The following PRR14L variants were observed in gnomAD, a reference collection of about 807,000 sequenced individuals.
The protein encoded by PRR14L is protein PRR14L.
In PRR14L, 80 loss-of-function variants were observed where a neutral mutation model predicts 155.0. The observed-to-expected ratio is 0.52, with a 90% CI of 0.43 to 0.62. The LOEUF (loss-of-function observed/expected upper bound fraction) is 0.62. Among genes scored for constraint, PRR14L ranks in the 20% least tolerant of loss-of-function variants. The pLI is 0.00. For synonymous variants in PRR14L, 883 were observed against 916.0 expected (o/e 0.96, Z 0.65); for missense variants, 2,469 against 2,548.0 (o/e 0.97, Z 0.67).
intron 1 of PRR14L, among the ~76,000 whole-genome samples, chr22:31,740,049 A>G (rs1337639916): frequency 6.6e-6 from 1 of 152,042 alleles, no homozygotes; most frequent in Non-Finnish European, 1.5e-5. Context: ...GGTCAGCCAG[A>G]TAAGATACTT....
intron 2 of PRR14L, among the ~76,000 whole-genome samples, chr22:31,732,029 T>G (rs1484804944): frequency 6.6e-6 from 1 of 152,212 alleles, no homozygotes; most frequent in African/African-American, 2.4e-5. Context: ...AAGTGCCAGT[T>G]TCTCCTACCC....
At chr22:31,704,520 G>C (rs1254311729) in intron 5 of PRR14L, 135 bp downstream of exon 5, 3 of 511,948 alleles carry the variant, frequency 5.9e-6, no homozygotes, top group African/African-American at 3.9e-5. Flanking sequence ...GTTTATCTGA[G>C]AGACATAGAT....
At chr22:31,736,733 G>A (rs1473779263) in intron 2 of PRR14L, among the ~76,000 whole-genome samples, 1 of 152,052 alleles carries the variant, frequency 6.6e-6, no homozygotes. Context: ...GCAAAGCTGA[G>A]TTGTTCCAAA....
At chr22:31,739,164 C>T (rs999680500) in intron 1 of PRR14L, among the ~76,000 whole-genome samples, 7 of 152,120 alleles carry the variant, frequency 4.6e-5, no homozygotes, top group Non-Finnish European at 5.9e-5. Context: ...TCAATTTAAA[C>T]GTGAAGGGCC....
rs76015424 is a variant in PRR14L, at chr22:31,699,870, GT to G, written c.6107+1785del. 9.3e-3 allele frequency among the ~76,000 whole-genome samples: 1,319 copies of G among 142,504 alleles called. 8 individuals carry two copies. The highest frequency in any genetic ancestry group is 0.018 in the Middle Eastern group (5 of 278). 93.5% of individuals were successfully genotyped at this position (142,504 alleles called of 152,430 possible). A position where few individuals can be genotyped will look rare whatever the true frequency, so the allele number is the denominator to read the frequency against. The stretch of plus-strand genomic sequence containing the variant: ...TGTACTAAAATCTGCAGCTTCAAGG[GT>G]TTTTTTTTTTTGACAAAAGTACATT... On this transcript the variant is annotated intron_variant, in intron 7 of 8. Coordinates refer to ENST00000327423, the MANE Select transcript of PRR14L (RefSeq NM_173566.3).
rs2074645518 is a variant in PRR14L, at chr22:31,714,788, G to A, written c.3051C>T (p.Val1017=). ...EVNHNQKDLL[V]SSGSNNSLPC... is the part of the protein sequence containing the mutation. Reference sequence around the variant, plus strand: ...GTAGTGAGTTATTACTGCCTGAGCTGACCAGCAGATCCTTTTGGTTGTGGT... The same window carrying A: ...GTAGTGAGTTATTACTGCCTGAGCTAACCAGCAGATCCTTTTGGTTGTGGT... Residue 1017 remains valine (V), a synonymous_variant, in exon 4 of 9, where the codon GTC becomes GTT. Transcript: ENST00000327423. 2 of 1,552,260 alleles carry A rather than the reference G, an allele frequency of 1.3e-6. No individual in the cohort carries two copies.
At position 31,698,060 on chromosome 22, in the gene PRR14L, C is replaced by CTT. The variant is rs71184519; in HGVS notation, c.6107+3594_6107+3595dup. Among the ~76,000 whole-genome samples the CTT allele has an allele frequency of 3.9e-3, 583 of 148,800 alleles. 8 individuals are homozygous for CTT. Among genetic ancestry groups the CTT allele is most frequent in the Non-Finnish European group, 6.2e-3 (415 of 67,166 alleles). On this transcript the variant is annotated intron_variant, in intron 7 of 8. Transcript: ENST00000327423. The stretch of plus-strand genomic sequence containing the variant: ...TCTGATCCTATAAGATGTTGTAATT[C>CTT]TTTTTTTTTTTTGAGATGGAGTGGC...
At chr22:31,730,893 T>C (rs115683346) in intron 2 of PRR14L, among the ~76,000 whole-genome samples, 2,275 of 152,312 alleles carry the variant, frequency 0.015, 58 homozygotes, top group African/African-American at 0.053. Context: ...AACGGGCTCA[T>C]GGGTATTTGT....
At chr22:31,691,962 C>T (rs145838110) in intron 7 of PRR14L, among the ~76,000 whole-genome samples, 28 of 151,780 alleles carry the variant, frequency 1.8e-4, no homozygotes, top group African/African-American at 5.1e-4. Context: ...CCACCTCCTG[C>T]GTTAAGGCAA....
At chr22:31,749,688 G>A (rs1304630820) in intron 1 of PRR14L, among the ~76,000 whole-genome samples, 3 of 152,212 alleles carry the variant, frequency 2.0e-5, no homozygotes, top group African/African-American at 7.2e-5. Context: ...CTCCGATAAG[G>A]GGCGTCGTCC....
At chr22:31,694,204 T>C (rs1202034479) in intron 7 of PRR14L, among the ~76,000 whole-genome samples, 2 of 152,124 alleles carry the variant, frequency 1.3e-5, no homozygotes, top group Non-Finnish European at 2.9e-5. Flanking sequence ...TTGAACTTGG[T>C]AGGCAGAGGT....
Position 31,714,763 on chromosome 22 carries a change from G to A in PRR14L, c.3076C>T (p.Pro1026Ser). 6.4e-7 allele frequency: 1 copy of A among 1,552,340 alleles called. No homozygotes were observed. Among genetic ancestry groups the A allele is most frequent in the Middle Eastern group, 1.7e-4 (1 of 5,998 alleles). Residue 1026 changes from proline to serine, a missense_variant, in exon 4 of 9, where the codon CCT (proline) becomes TCT (serine). This residue lies in a region of PRR14L where 2,363 missense variants were observed against 2,371.6 expected (regional missense o/e 1.00). Transcript: ENST00000327423. ...LVSSGSNNSL[P>S]CGSPKKCNLK... ...TTGCATTTCTTTGGACTACCACAAGGTAGTGAGTTATTACTGCCTGAGCTG... is the reference window on the plus strand; with the variant it reads ...TTGCATTTCTTTGGACTACCACAAGATAGTGAGTTATTACTGCCTGAGCTG...
At chr22:31,719,243 A>C (rs913035150) in intron 3 of PRR14L, among the ~76,000 whole-genome samples, 1 of 150,076 alleles carries the variant, frequency 6.7e-6, no homozygotes, top group African/African-American at 2.5e-5. Context: ...CTCTACAAAA[A>C]ATTTAAAAGA....
intron 5 of PRR14L, chr22:31,704,312 C>T (rs1030409247): frequency 4.5e-5 from 8 of 176,412 alleles, no homozygotes; most frequent in African/African-American, 1.4e-4. Flanking sequence ...TCTGGTAAAC[C>T]GCACAAATGA....
rs1248441768 is a variant in PRR14L, at chr22:31,684,972, A to G, written c.*555T>C. 6.6e-6 allele frequency: 1 copy of G among 152,504 alleles called. No homozygotes were observed. The highest frequency in any genetic ancestry group is 1.5e-5 in the Non-Finnish European group (1 of 68,412). The allele number at this position is 152,504 out of a possible 1,614,324, so 9.4% of individuals were successfully genotyped here. A position where few individuals can be genotyped will look rare whatever the true frequency, so the allele number is the denominator to read the frequency against. ...GGGAAAAAGCCACACACACACAAAC[A>G]CTCTCACATACACTCACATCAATAG... On this transcript the variant is annotated 3_prime_UTR_variant, in exon 9 of 9. Coordinates refer to ENST00000327423, the MANE Select transcript of PRR14L (RefSeq NM_173566.3).
At chr22:31,741,169 T>C (rs189039466) in intron 1 of PRR14L, among the ~76,000 whole-genome samples, 2,215 of 141,270 alleles carry the variant, frequency 0.016, 56 homozygotes, top group African/African-American at 0.057. Flanking sequence ...AGGAGAATGG[T>C]GTGAACCCGG....
At chr22:31,729,439 G>C (rs897664460) in intron 2 of PRR14L, among the ~76,000 whole-genome samples, 1 of 151,940 alleles carries the variant, frequency 6.6e-6, no homozygotes, top group African/African-American at 2.4e-5. Flanking sequence ...GGATGGTCTC[G>C]ATCTCCTGAC....
chr22:31,744,081 G>C (rs550223895), intron 1 of PRR14L, among the ~76,000 whole-genome samples: 1 of 147,010 alleles, frequency 6.8e-6, no homozygotes, highest in Admixed American at 6.9e-5. Flanking sequence ...GTGGTGGTGC[G>C]ATCATAGCTC....
At chr22:31,723,224 A>G (rs1812610841) in intron 3 of PRR14L, among the ~76,000 whole-genome samples, 11 of 152,164 alleles carry the variant, frequency 7.2e-5, no homozygotes, top group Admixed American at 7.2e-4. Context: ...GAGAAAAAAA[A>G]TCAAATATTT....
Sources: allele counts gnomAD v4.1 joint callset (sites outside exome capture counted in the v4.1 genomes callset), GRCh38; gene constraint gnomAD v4.1.1; regional missense constraint gnomAD v4.1.1; transcripts MANE v1.5; gene names NCBI Gene and HGNC (gene_info 2026-07-23, HGNC 2026-07-21).